Variants in LMBR1L observed in about 807,000 individuals in gnomAD.
LMBR1L encodes limb development membrane protein 1 like.
A neutral mutation model predicts 67.3 loss-of-function variants in LMBR1L; 47 were observed. The ratio of observed to expected loss-of-function variants is 0.70; its 90% CI spans 0.55 to 0.89. The LOEUF (loss-of-function observed/expected upper bound fraction) is 0.89. LMBR1L is among the 40% of genes least tolerant of loss of function. The pLI, the probability that LMBR1L is intolerant of heterozygous loss-of-function variation, is 0.00. For missense variants in LMBR1L, 533 were observed against 599.2 expected (o/e 0.89, Z 1.15); for synonymous variants, 247 against 250.3 (o/e 0.99, Z 0.13).
At position 49,104,897 on chromosome 12, in the gene LMBR1L, A is replaced by G; in HGVS notation, c.192-12T>C. On this transcript the variant is annotated splice_polypyrimidine_tract_variant and intron_variant, in intron 3 of 16. Transcript: ENST00000267102. ...TGCACAGCTCGAGCCTGGGCAGAGAAGGGGACAGTGTCCTTGCTTAGCTCA... is the reference window on the plus strand; with the variant it reads ...TGCACAGCTCGAGCCTGGGCAGAGAGGGGGACAGTGTCCTTGCTTAGCTCA... The G allele has an allele frequency of 6.2e-7, 1 of 1,606,746 alleles. No individual in the cohort carries two copies.
At chr12:49,101,753 G>A in intron 11 of LMBR1L, 1 of 585,506 alleles carries the variant, frequency 1.7e-6, no homozygotes. Context: ...CTAGATGGAA[G>A]GATTGCAAAA....
rs1482145255 is a variant in LMBR1L, at chr12:49,104,743, C to T, written c.331+3G>A. On this transcript the variant is annotated splice_donor_region_variant and intron_variant, in intron 4 of 16. Coordinates refer to ENST00000267102, the MANE Select transcript of LMBR1L (RefSeq NM_018113.4). Reference sequence around the variant, plus strand: ...CCCCAAGCAGCTTCCAGGAGCCACACACCATGGATGAGGGAGCCGTTGAGC... The same window carrying T: ...CCCCAAGCAGCTTCCAGGAGCCACATACCATGGATGAGGGAGCCGTTGAGC... 5 of 1,613,256 alleles carry T rather than the reference C, an allele frequency of 3.1e-6. No individual in the cohort carries two copies. Among genetic ancestry groups the T allele is most frequent in the Non-Finnish European group, 3.4e-6 (4 of 1,179,676 alleles).
chr12:49,100,388 C>T lies in LMBR1L; in HGVS notation c.1240G>A (p.Gly414Arg), dbSNP rs779443387. ...TTTATCTCCTCCTTTCAATACTTAC[C>T]CAGGGTTCGAGAGAAGACAGGAAGT... ...SALPVFSRTL[G>R]LTRFDLLGDF... Residue 414 changes from glycine to arginine, a missense_variant and splice_region_variant, in exon 15 of 17, where the codon GGG becomes AGG. Physicochemically the swap from Gly to Arg is moderately radical, Grantham distance 125. This residue lies in a region of LMBR1L where 223 missense variants were observed against 241.2 expected (regional missense o/e 0.92). Coordinates refer to ENST00000267102, the MANE Select transcript of LMBR1L (RefSeq NM_018113.4). 1.2e-6 allele frequency: 2 copies of T among 1,611,874 alleles called. No individual in the cohort carries two copies. The highest frequency in any genetic ancestry group is 2.2e-5 in the South Asian group (2 of 91,010).
chr12:49,100,265 G>A (rs562280197), intron 15 of LMBR1L, 123 bp downstream of exon 15: 17 of 796,416 alleles, frequency 2.1e-5, no homozygotes, highest in South Asian at 1.0e-4. Context: ...TGTATAATGC[G>A]GATAATACCT....
rs540826142 is a variant in LMBR1L at position 49,097,659 on chromosome 12, C to A, written c.*13G>T. The A allele has an allele frequency of 3.1e-6, 5 of 1,612,586 alleles. No homozygotes were observed. In the Admixed American group the frequency reaches 6.7e-5, roughly 22 times the overall value. On this transcript the variant is annotated 3_prime_UTR_variant, in exon 17 of 17. Coordinates refer to ENST00000267102, the MANE Select transcript of LMBR1L (RefSeq NM_018113.4). ...CAGTGTCCAGTTTTTTCCTTCCCAC[C>A]CCCAGCTGGAGGTCACTGGTGCTGG...
In LMBR1L at chr12:49,103,929, G is replaced by A. The variant is rs1001102807; in HGVS notation, c.436-116C>T. On this transcript the variant is annotated intron_variant, in intron 5 of 16. Transcript: ENST00000267102. ...TTTGGATTCAGGAGGTAAGAGAGAGGGTTTTCCTCTTATTCTGCTAAGTTG... is the reference window on the plus strand; with the variant it reads ...TTTGGATTCAGGAGGTAAGAGAGAGAGTTTTCCTCTTATTCTGCTAAGTTG... The A allele has an allele frequency of 7.0e-6, 8 of 1,143,184 alleles. No homozygotes were observed. The African/African-American group carries it at 1.2e-4, about 18-fold the overall frequency. 70.8% of individuals were successfully genotyped at this position (1,143,184 alleles called of 1,614,324 possible). A position where few individuals can be genotyped will look rare whatever the true frequency, so the allele number is the denominator to read the frequency against.
intron 1 of LMBR1L, among the ~76,000 whole-genome samples, chr12:49,108,107 A>G (rs1262802153): frequency 6.6e-6 from 1 of 152,146 alleles, no homozygotes; most frequent in Non-Finnish European, 1.5e-5. Context: ...TACTAAAAAA[A>G]CAAAAATTAG....
In LMBR1L at chr12:49,097,959, G is replaced by A. The variant is rs768121505; in HGVS notation, c.1387C>T (p.Leu463=). Residue 463 remains leucine (L), a synonymous_variant, in exon 16 of 17, where the codon CTG becomes TTG. Transcript: ENST00000267102. ...TCCCTCTCACCAAAGGCCCGGATCAGCTCTGCCCGCACAGCTGCAGTGAAG... is the reference window on the plus strand; with the variant it reads ...TCCCTCTCACCAAAGGCCCGGATCAACTCTGCCCGCACAGCTGCAGTGAAG... ...KTFTAAVRAE[L]IRAFGLDRLP... is the part of the protein sequence containing the mutation. 1.2e-5 allele frequency: 20 copies of A among 1,613,166 alleles called. No homozygotes were observed. Among genetic ancestry groups the A allele is most frequent in the Admixed American group, 5.0e-5 (3 of 59,968 alleles).
At chr12:49,099,502 AT>A (rs1939843587) in intron 15 of LMBR1L, among the ~76,000 whole-genome samples, 1 of 151,710 alleles carries the variant, frequency 6.6e-6, no homozygotes, top group Non-Finnish European at 1.5e-5. Flanking sequence ...ATGATGTGGT[AT>A]TTAGGGGGAG....
At chr12:49,104,347 G>C (rs10783302) in intron 5 of LMBR1L, 101 bp downstream of exon 5, 1 of 904,106 alleles carries the variant, frequency 1.1e-6, no homozygotes, top group Non-Finnish European at 1.8e-6. Flanking sequence ...TCAAACTTCC[G>C]TTAACTAAAC....
intron 2 of LMBR1L, chr12:49,106,560 T>G (rs1940930285): frequency 7.6e-7 from 1 of 1,313,056 alleles, no homozygotes; most frequent in South Asian, 1.2e-5. Context: ...TCCCCAGTCA[T>G]CAGGGAGGTC....
Position 49,110,831 on chromosome 12 carries a change from G to A in LMBR1L, c.-276C>T, listed in dbSNP as rs542487937. 2.1e-6 allele frequency: 1 copy of A among 475,944 alleles called. No homozygotes were observed. Among genetic ancestry groups the A allele is most frequent in the East Asian group, 3.8e-5 (1 of 26,656 alleles). The allele number at this position is 475,944 out of a possible 1,614,324, so 29.5% of individuals were successfully genotyped here. ...CGCTCACGTTTCAATGCAAACACCC[G>A]CCACTAGGCTCGCTACGAGGAAGCG... On this transcript the variant is annotated 5_prime_UTR_variant, in exon 1 of 17. Coordinates refer to ENST00000267102, the MANE Select transcript of LMBR1L (RefSeq NM_018113.4).
At chr12:49,099,291 G>C (rs1939811521) in intron 15 of LMBR1L, among the ~76,000 whole-genome samples, 1 of 151,878 alleles carries the variant, frequency 6.6e-6, no homozygotes, top group African/African-American at 2.4e-5. Context: ...TGAGATTACA[G>C]GCATGTGCCA....
intron 1 of LMBR1L, among the ~76,000 whole-genome samples, chr12:49,107,412 G>A (rs1319848298): frequency 1.3e-5 from 2 of 152,216 alleles, no homozygotes; most frequent in African/African-American, 2.4e-5. Flanking sequence ...CAGAACCAGA[G>A]GGAATTTACT....
intron 5 of LMBR1L, 135 bp downstream of exon 5, chr12:49,104,313 T>C (rs1700337584): frequency 5.6e-6 from 4 of 718,398 alleles, no homozygotes; most frequent in Non-Finnish European, 9.7e-6. Flanking sequence ...AGGGTGGTAA[T>C]GACTTCCTAC....
chr12:49,103,907 G>C, intron 5 of LMBR1L, 94 bp from the exon 6 acceptor site: 1 of 1,344,052 alleles, frequency 7.4e-7, no homozygotes, highest in Middle Eastern at 1.9e-4. Context: ...AGAAAGGTTT[G>C]GATTCAGGAG....
In LMBR1L at chr12:49,107,020, A is replaced by G. The variant is rs769213264; in HGVS notation, c.98T>C (p.Leu33Pro). ...CAGGAAGATGTGGCAGAGGATGTAC[A>G]GTGTTGCAAACAGAAGTGTTGATAT... Reference protein sequence around the residue: ...CIISTLLFATLYILCHIFLTR... With the variant: ...CIISTLLFATPYILCHIFLTR... The change falls in exon 2 of 17, where the codon CTG (leucine) becomes CCG (proline). Residue 33 changes from leucine (L) to proline (P), a missense_variant. Coordinates refer to ENST00000267102, the MANE Select transcript of LMBR1L (RefSeq NM_018113.4). 2.5e-6 allele frequency: 4 copies of G among 1,613,654 alleles called. No homozygotes were observed. The East Asian group carries it at 6.7e-5, about 27-fold the overall frequency.
chr12:49,107,712 G>A (rs563618654), intron 1 of LMBR1L, among the ~76,000 whole-genome samples: 4 of 152,334 alleles, frequency 2.6e-5, no homozygotes, highest in Admixed American at 2.6e-4. Context: ...TGGCTGGACT[G>A]CCAAGTGACA....
intron 15 of LMBR1L, among the ~76,000 whole-genome samples, chr12:49,099,874 C>G (rs1256388400): frequency 6.6e-6 from 1 of 152,198 alleles, no homozygotes; most frequent in African/African-American, 2.4e-5. Context: ...AGCCACTGCG[C>G]CCAGCCACTC....
Sources: gnomAD v4.1 joint callset for allele counts (sites outside exome capture counted in the v4.1 genomes callset) on GRCh38, gnomAD v4.1.1 for gene constraint, gnomAD v4.1.1 regional missense constraint, MANE v1.5 for transcripts, NCBI Gene and HGNC (gene_info 2026-07-23, HGNC 2026-07-21) for gene names.